The following CAST variants were observed in gnomAD, a reference collection of about 807,000 sequenced individuals.
CAST encodes the protein calpastatin, also known as MIR583 host.
CAST carries 76 observed loss-of-function variants against 119.6 expected under a neutral mutation model. The observed-to-expected ratio is 0.64, with a 90% confidence interval of 0.53 to 0.77. The LOEUF is 0.77. CAST is among the 30% of genes least tolerant of loss of function. The pLI is 0.00. For synonymous variants in CAST, 319 were observed against 331.6 expected, an observed-to-expected ratio of 0.96 and a Z score of 0.41; for missense variants, 953 against 946.5, an observed-to-expected ratio of 1.01 and a Z score of -0.09.
Position 96,753,969 on chromosome 5 carries a change from G to T in CAST, c.1525-91G>T. The T allele has an allele frequency of 1.5e-5, 11 of 750,982 alleles. No individual in the cohort carries two copies. In the South Asian group the frequency reaches 1.7e-4, roughly 12 times the overall value. 46.5% of individuals were successfully genotyped at this position (750,982 alleles called of 1,614,324 possible). A position where few individuals can be genotyped will look rare whatever the true frequency, so the allele number is the denominator to read the frequency against. On this transcript the variant is annotated intron_variant, in intron 20 of 31. Transcript: ENST00000675179. The stretch of plus-strand genomic sequence containing the variant: ...AAAAGATAGCGTGTGCCTTTTATCT[G>T]AAATAATGATATGCCTTTCTGAATT...
At chr5:96,597,867 T>C (rs1422904518) in intron 1 of CAST, among the ~76,000 whole-genome samples, 9 of 150,338 alleles carry the variant, frequency 6.0e-5, no homozygotes, top group African/African-American at 1.2e-4. Context: ...GACAACAGCA[T>C]TGAGTCACCC....
the CAST span, among the ~76,000 whole-genome samples, chr5:96,209,656 C>A: frequency 6.8e-6 from 1 of 146,888 alleles, no homozygotes; most frequent in Admixed American, 6.8e-5. Context: ...CCCCCGCCCA[C>A]CCCACCCAAT....
At chr5:96,051,317 T>C in the CAST span, among the ~76,000 whole-genome samples, 1 of 152,046 alleles carries the variant, frequency 6.6e-6, no homozygotes, top group African/African-American at 2.4e-5. Flanking sequence ...GAGTTGATGT[T>C]GGTGTAGATC....
chr5:96,146,538 T>C, the CAST span, among the ~76,000 whole-genome samples: 1 of 152,252 alleles, frequency 6.6e-6, no homozygotes, highest in Non-Finnish European at 1.5e-5. Context: ...GAACCACTGC[T>C]TTAGACTGTG....
the CAST span, among the ~76,000 whole-genome samples, chr5:96,367,573 C>T: frequency 1.1e-4 from 16 of 152,162 alleles, no homozygotes; most frequent in Non-Finnish European, 2.2e-4. Flanking sequence ...CGATCTCAGA[C>T]TGCTGTGCTG....
At chr5:96,663,964 C>G (rs1271165573) in intron 1 of CAST, among the ~76,000 whole-genome samples, 1 of 149,858 alleles carries the variant, frequency 6.7e-6, no homozygotes, top group Non-Finnish European at 1.5e-5. Context: ...AAATCACACA[C>G]AGGAGTTTTG....
chr5:96,368,574 G>T, the CAST span, among the ~76,000 whole-genome samples: 7 of 151,590 alleles, frequency 4.6e-5, no homozygotes, highest in East Asian at 9.7e-4. Context: ...GACACATTCA[G>T]TTCTTCCTCT....
At chr5:96,222,663 G>T in the CAST span, among the ~76,000 whole-genome samples, 5 of 152,134 alleles carry the variant, frequency 3.3e-5, no homozygotes, top group Admixed American at 3.3e-4. Flanking sequence ...CCATTGATGG[G>T]AATGTAAGTT....
the CAST span, among the ~76,000 whole-genome samples, chr5:96,332,956 G>A: frequency 1.3e-5 from 2 of 152,058 alleles, no homozygotes; most frequent in African/African-American, 2.4e-5. Flanking sequence ...GGCCACTATC[G>A]CTCAGCGTGC....
the CAST span, among the ~76,000 whole-genome samples, chr5:96,110,561 A>G: frequency 1.3e-5 from 2 of 152,198 alleles, no homozygotes; most frequent in East Asian, 1.9e-4. Context: ...TCACATTTAT[A>G]TAACTTCAGT....
At chr5:96,413,181 A>G in the CAST span, among the ~76,000 whole-genome samples, 2 of 152,194 alleles carry the variant, frequency 1.3e-5, no homozygotes, top group South Asian at 4.1e-4. Flanking sequence ...CTATTCTTCT[A>G]AATAATCTCA....
the CAST span, among the ~76,000 whole-genome samples, chr5:96,449,399 T>C: frequency 3.9e-5 from 6 of 152,142 alleles, no homozygotes; most frequent in Non-Finnish European, 7.4e-5. Flanking sequence ...GGTTTCATGC[T>C]CTTATGAGAA....
At chr5:96,505,131 T>G in the CAST span, among the ~76,000 whole-genome samples, 1 of 152,240 alleles carries the variant, frequency 6.6e-6, no homozygotes, top group Non-Finnish European at 1.5e-5. Flanking sequence ...GGAGCCGAAC[T>G]GCTGGATCAA....
the CAST span, among the ~76,000 whole-genome samples, chr5:96,284,612 G>A: frequency 1.3e-5 from 2 of 152,094 alleles, no homozygotes; most frequent in East Asian, 1.9e-4. Context: ...ATTGTGAGTG[G>A]ACAAATAGAA....
At chr5:96,197,559 T>C in the CAST span, among the ~76,000 whole-genome samples, 5 of 152,200 alleles carry the variant, frequency 3.3e-5, no homozygotes, top group Non-Finnish European at 7.3e-5. Flanking sequence ...ACACTTCTTT[T>C]TTTAAAAGGG....
At chr5:96,075,540 G>A in the CAST span, among the ~76,000 whole-genome samples, 2 of 152,102 alleles carry the variant, frequency 1.3e-5, no homozygotes, top group African/African-American at 2.4e-5. Flanking sequence ...TTCAGCTTTC[G>A]TTCTACTTCC....
the CAST span, among the ~76,000 whole-genome samples, chr5:96,314,189 C>A: frequency 6.6e-6 from 1 of 152,178 alleles, no homozygotes; most frequent in East Asian, 1.9e-4. Flanking sequence ...AAACTGAAAA[C>A]TTGTAAATTA....
At chr5:96,663,465 T>G (rs1374801269) in intron 1 of CAST, among the ~76,000 whole-genome samples, 1 of 152,230 alleles carries the variant, frequency 6.6e-6, no homozygotes, top group African/African-American at 2.4e-5. Context: ...GAACTGGAAT[T>G]GTTGCTGGAG....
intron 22 of CAST, chr5:96,754,974 T>C (rs1414315140): frequency 3.2e-6 from 1 of 309,330 alleles, no homozygotes; most frequent in East Asian, 6.0e-5. Flanking sequence ...AGCTACCTAA[T>C]GTTTTCCTTT....
Sources: gnomAD v4.1 joint callset for allele counts (sites outside exome capture counted in the v4.1 genomes callset) on GRCh38, gnomAD v4.1.1 for gene constraint, MANE v1.5 for transcripts, NCBI Gene and HGNC (gene_info 2026-07-23, HGNC 2026-07-21) for gene names.